The following SPIN1 variants were observed in gnomAD, a reference collection of about 807,000 sequenced individuals.
SPIN1 encodes spindlin 1.
In SPIN1, 3 loss-of-function variants were observed where a neutral mutation model predicts 26.0. The ratio of observed to expected loss-of-function variants is 0.12; its 90% confidence interval spans 0.05 to 0.30. The LOEUF (loss-of-function observed/expected upper bound fraction) is 0.30, where lower values mean the gene tolerates loss of function less well. Ranked by LOEUF, SPIN1 falls within the 10% of genes least tolerant of loss-of-function variation. The pLI is 1.00. For synonymous variants in SPIN1, 101 were observed against 116.5 expected, an observed-to-expected ratio of 0.87 and a Z score of 0.86; for missense variants, 126 against 333.4, an observed-to-expected ratio of 0.38 and a Z score of 4.84.
rs150457059 is a variant in SPIN1, at chr9:88,464,099, T to C, written c.355+1350T>C. On this transcript the variant is annotated intron_variant, in intron 4 of 5. Transcript: ENST00000375859. ...TAAGGGTTCCATGTTGTTTGTAGTTTGGTATTATCTCTGTTTCCAACAATA... is the reference window on the plus strand; with the variant it reads ...TAAGGGTTCCATGTTGTTTGTAGTTCGGTATTATCTCTGTTTCCAACAATA... Among the ~76,000 whole-genome samples, 10 of 152,334 alleles carry C rather than the reference T, an allele frequency of 6.6e-5. No individual in the cohort carries two copies. The East Asian group carries it at 1.7e-3, about 26-fold the overall frequency.
chr9:88,457,304 C>T lies in SPIN1; in HGVS notation c.102-5192C>T, dbSNP rs74507936. On this transcript the variant is annotated intron_variant, in intron 3 of 5. Coordinates refer to ENST00000375859, the MANE Select transcript of SPIN1 (RefSeq NM_006717.3). ...AGCACTTTGGGAGACTGAGGTGGGGCGGATCACTTGAGGCCAGGAGTTTGA... is the reference window on the plus strand; with the variant it reads ...AGCACTTTGGGAGACTGAGGTGGGGTGGATCACTTGAGGCCAGGAGTTTGA... Among the ~76,000 whole-genome samples, 134 of 152,038 alleles carry T rather than the reference C, an allele frequency of 8.8e-4. 1 individual carries two copies. The highest frequency in any genetic ancestry group is 3.0e-3 in the African/African-American group (126 of 41,482).
chr9:88,438,004 T>A (rs561614436), intron 2 of SPIN1, among the ~76,000 whole-genome samples: 1 of 151,978 alleles, frequency 6.6e-6, no homozygotes, highest in East Asian at 1.9e-4. Context: ...ATAGAAAGAT[T>A]AGCTGGCGTG....
At chr9:88,402,542 T>A (rs1194452515) in intron 1 of SPIN1, among the ~76,000 whole-genome samples, 3 of 151,766 alleles carry the variant, frequency 2.0e-5, no homozygotes, top group African/African-American at 7.3e-5. Flanking sequence ...CTCCCATGTA[T>A]TTGTTAGAAC....
chr9:88,406,005 CTG>C (rs745317937), intron 1 of SPIN1, among the ~76,000 whole-genome samples: 7,275 of 102,954 alleles, frequency 0.071, 218 homozygotes, highest in East Asian at 0.11. Flanking sequence ...GCTTGTGTGT[CTG>C]TGTGTGTGTG....
At chr9:88,390,359 G>C (rs926973772) in intron 1 of SPIN1, among the ~76,000 whole-genome samples, 2 of 152,178 alleles carry the variant, frequency 1.3e-5, no homozygotes, top group African/African-American at 4.8e-5. Context: ...TCTGCATTTC[G>C]TGGGTAGTGT....
At position 88,389,078 on chromosome 9, in the gene SPIN1, C is replaced by T. The variant is rs569024908; in HGVS notation, c.-159+540C>T. On this transcript the variant is annotated intron_variant, in intron 1 of 5. Transcript: ENST00000375859. ...CCGGGGACGCGGGCCTGCCCTGGGG[C>T]CACCCCTCCCAGGCCCGGGGGATGG... Among the ~76,000 whole-genome samples the T allele has an allele frequency of 5.3e-5, 8 of 152,140 alleles. No homozygotes were observed. In the South Asian group the frequency reaches 1.7e-3, roughly 31 times the overall value.
chr9:88,441,275 G>T (rs1037892148), intron 2 of SPIN1, among the ~76,000 whole-genome samples: 2 of 151,768 alleles, frequency 1.3e-5, no homozygotes, highest in Admixed American at 6.6e-5. Context: ...TTATATAAGG[G>T]ACTTGGGCAT....
At chr9:88,439,808 T>C (rs1828081973) in intron 2 of SPIN1, among the ~76,000 whole-genome samples, 1 of 152,210 alleles carries the variant, frequency 6.6e-6, no homozygotes, top group Non-Finnish European at 1.5e-5. Context: ...CCACTTTCTT[T>C]TGATTATTGG....
rs558118962 is a variant in SPIN1, at chr9:88,411,602, C to T, written c.-158-14780C>T. 2.0e-4 allele frequency: 110 copies of T among 548,214 alleles called. 1 individual carries two copies. The South Asian group carries it at 2.9e-3, about 15-fold the overall frequency. The allele number at this position is 548,214 out of a possible 1,614,324, so 34.0% of individuals were successfully genotyped here. On this transcript the variant is annotated intron_variant, in intron 1 of 5. Coordinates refer to ENST00000375859, the MANE Select transcript of SPIN1 (RefSeq NM_006717.3). ...GATCTTGGCTTACTATAGCCTTGGC[C>T]TCCTGGGCTCAAGCTGTCCTTCTGT...
rs1025500991 is a variant in SPIN1 at position 88,408,662 on chromosome 9, A to G, written c.-158-17720A>G. 3.4e-5 allele frequency among the ~76,000 whole-genome samples: 5 copies of G among 146,316 alleles called. No individual in the cohort carries two copies. The East Asian group carries it at 1.0e-3, about 29-fold the overall frequency. On this transcript the variant is annotated intron_variant, in intron 1 of 5. Coordinates refer to ENST00000375859, the MANE Select transcript of SPIN1 (RefSeq NM_006717.3). ...AGGGCTGGGATTACAGGTGTGAGCC[A>G]CCATGCCTGGCCCTTTTTTTTTTTT...
chr9:88,438,586 A>G (rs572040582), intron 2 of SPIN1, among the ~76,000 whole-genome samples: 3 of 152,328 alleles, frequency 2.0e-5, no homozygotes, highest in South Asian at 4.1e-4. Flanking sequence ...GATTTGATCT[A>G]TAGTCAACTA....
intron 1 of SPIN1, among the ~76,000 whole-genome samples, chr9:88,418,555 A>C (rs1024919706): frequency 1.3e-5 from 2 of 152,166 alleles, no homozygotes; most frequent in Non-Finnish European, 2.9e-5. Flanking sequence ...ATTTTTGCTT[A>C]AACAGTTTTA....
At chr9:88,470,766 G>A (rs1828767280) in intron 5 of SPIN1, among the ~76,000 whole-genome samples, 1 of 152,002 alleles carries the variant, frequency 6.6e-6, no homozygotes, top group South Asian at 2.1e-4. Flanking sequence ...TCTAATTTTT[G>A]TATTTTTAGT....
chr9:88,445,679 C>T (rs1402157511), intron 2 of SPIN1, among the ~76,000 whole-genome samples: 1 of 151,410 alleles, frequency 6.6e-6, no homozygotes, highest in Non-Finnish European at 1.5e-5. Context: ...TACAGACGCC[C>T]ACCACTATGC....
At chr9:88,426,206 C>G (rs1305341581) in intron 1 of SPIN1, among the ~76,000 whole-genome samples, 176 bp from the exon 2 acceptor site, 1 of 152,070 alleles carries the variant, frequency 6.6e-6, no homozygotes, top group Non-Finnish European at 1.5e-5. Context: ...ACCTCTTTTT[C>G]TCCTTTCTAC....
At chr9:88,395,118 ATTTT>A (rs893947612) in intron 1 of SPIN1, among the ~76,000 whole-genome samples, 1 of 151,716 alleles carries the variant, frequency 6.6e-6, no homozygotes, top group Admixed American at 6.6e-5. Context: ...TATTTAATGT[ATTTT>A]TTAACATGTA....
chr9:88,401,831 A>AG (rs1311136180), intron 1 of SPIN1, among the ~76,000 whole-genome samples: 4 of 152,224 alleles, frequency 2.6e-5, no homozygotes, highest in African/African-American at 9.6e-5. Context: ...GTCTGTTTTA[A>AG]GCCTTTGCCT....
At chr9:88,431,433 G>A (rs1827868229) in intron 2 of SPIN1, among the ~76,000 whole-genome samples, 1 of 151,388 alleles carries the variant, frequency 6.6e-6, no homozygotes, top group Admixed American at 6.6e-5. Context: ...TGGGATTACA[G>A]GCATCCGCCA....
Position 88,430,253 on chromosome 9 carries a change from A to C in SPIN1, c.52+3662A>C, listed in dbSNP as rs150806449. Reference sequence around the variant, plus strand: ...AAGGCTTCTTCACTCACATGGGCTGATAGGACTTAAATAGCCTGGAGCTTT... The same window carrying C: ...AAGGCTTCTTCACTCACATGGGCTGCTAGGACTTAAATAGCCTGGAGCTTT... On this transcript the variant is annotated intron_variant, in intron 2 of 5. Coordinates refer to ENST00000375859, the MANE Select transcript of SPIN1 (RefSeq NM_006717.3). 5.9e-3 allele frequency among the ~76,000 whole-genome samples: 900 copies of C among 152,338 alleles called. 8 individuals are homozygous for C. Among genetic ancestry groups the C allele is most frequent in the African/African-American group, 0.02 (847 of 41,584 alleles).
Sources: gnomAD v4.1 joint callset for allele counts (sites outside exome capture counted in the v4.1 genomes callset) on GRCh38, gnomAD v4.1.1 for gene constraint, MANE v1.5 for transcripts, NCBI Gene and HGNC (gene_info 2026-07-23, HGNC 2026-07-21) for gene names.